The following GHR variants were observed in gnomAD, a reference collection of about 807,000 sequenced individuals.
GHR encodes growth hormone receptor.
In GHR, 35 loss-of-function variants were observed where a neutral mutation model predicts 67.1. The observed-to-expected ratio is 0.52, with a 90% CI of 0.40 to 0.69. The LOEUF is 0.69. Ranked by LOEUF, GHR falls within the 30% of genes least tolerant of loss-of-function variation. The probability of loss-of-function intolerance (pLI) is 0.00; values close to 1 mark genes in which losing one functional copy is unlikely to be tolerated. For missense variants in GHR, 792 were observed against 764.6 expected (o/e 1.04, Z -0.42); for synonymous variants, 272 against 269.1 (o/e 1.01, Z -0.10).
intron 1 of GHR, among the ~76,000 whole-genome samples, chr5:42,513,220 T>C (rs1014696574): frequency 2.0e-5 from 3 of 152,174 alleles, no homozygotes; most frequent in South Asian, 2.1e-4. Flanking sequence ...TTTGGTGAAA[T>C]TTCAATTGTG....
At chr5:42,534,505 CATAT>C (rs1561103105) in intron 1 of GHR, among the ~76,000 whole-genome samples, 19 of 141,340 alleles carry the variant, frequency 1.3e-4, no homozygotes, top group African/African-American at 5.2e-4. Flanking sequence ...TATATATGTA[CATAT>C]GTATATGTGT....
intron 2 of GHR, among the ~76,000 whole-genome samples, chr5:42,582,060 C>A (rs1751203158): frequency 1.3e-5 from 2 of 152,252 alleles, no homozygotes; most frequent in African/African-American, 2.4e-5. Flanking sequence ...GGCACATAGG[C>A]ACTCTCTGGA....
rs527559456 is a variant in GHR at position 42,708,860 on chromosome 5, C to T, written c.619-2347C>T. ...TTTTCGTGGCACCTCTGCTAAATCT[C>T]GTTAGGTAGACCAAAGGGGTCAGTT... is the stretch of plus-strand genomic sequence containing the variant. On this transcript the variant is annotated intron_variant, in intron 6 of 9. Transcript: ENST00000230882. Among the ~76,000 whole-genome samples the T allele has an allele frequency of 3.9e-5, 6 of 152,278 alleles. No homozygotes were observed. The South Asian group carries it at 1.0e-3, about 26-fold the overall frequency.
At chr5:42,557,434 A>G (rs1007412951) in intron 1 of GHR, among the ~76,000 whole-genome samples, 1 of 152,208 alleles carries the variant, frequency 6.6e-6, no homozygotes, top group East Asian at 1.9e-4. Context: ...ATAATAAAAC[A>G]TAAATAGTCT....
At chr5:42,580,054 C>T (rs2112552723) in intron 2 of GHR, among the ~76,000 whole-genome samples, 1 of 152,040 alleles carries the variant, frequency 6.6e-6, no homozygotes, top group East Asian at 1.9e-4. Flanking sequence ...CATATATAGG[C>T]AGAACTATAT....
At chr5:42,519,280 C>T (rs888704460) in intron 1 of GHR, among the ~76,000 whole-genome samples, 24 of 152,204 alleles carry the variant, frequency 1.6e-4, no homozygotes, top group African/African-American at 5.5e-4. Context: ...AGCTGTTTTT[C>T]CTGAATTATG....
chr5:42,548,220 T>C, intron 1 of GHR: 1 of 984,818 alleles, frequency 1.0e-6, no homozygotes, highest in Non-Finnish European at 1.2e-6. Flanking sequence ...ACCAGATATG[T>C]GTGTGTGTGC....
At chr5:42,527,391 G>A (rs1320055290) in intron 1 of GHR, among the ~76,000 whole-genome samples, 3 of 152,020 alleles carry the variant, frequency 2.0e-5, no homozygotes, top group Non-Finnish European at 2.9e-5. Flanking sequence ...ATGGAAAACA[G>A]GAAAAAGCAG....
In GHR at chr5:42,718,138, T is replaced by C; in HGVS notation, c.945+17T>C. 7.7e-7 allele frequency: 1 copy of C among 1,305,326 alleles called. No individual in the cohort carries two copies. 80.9% of individuals were successfully genotyped at this position (1,305,326 alleles called of 1,614,324 possible). On this transcript the variant is annotated intron_variant, in intron 9 of 9. Coordinates refer to ENST00000230882, the MANE Select transcript of GHR (RefSeq NM_000163.5). The stretch of plus-strand genomic sequence containing the variant: ...CTCCTCAAGGTAACTAATAATTTTA[T>C]CTAAATTGTAGCTAGTACTAATTAA...
intron 2 of GHR, among the ~76,000 whole-genome samples, chr5:42,605,090 CTTTTTTTTTTT>C (rs57499086): frequency 1.1e-5 from 1 of 90,070 alleles, no homozygotes; most frequent in Admixed American, 1.2e-4. Context: ...TGTGGTGCCT[CTTTTTTTTTTT>C]TTTTTTTTTT....
intron 3 of GHR, among the ~76,000 whole-genome samples, chr5:42,673,649 T>C (rs188800863): frequency 3.1e-4 from 47 of 152,310 alleles, no homozygotes; most frequent in African/African-American, 1.0e-3. Context: ...GAGGCCATTA[T>C]ACTAAGTGAG....
In GHR at chr5:42,694,132, A is replaced by G. The variant is rs377257698; in HGVS notation, c.267-785A>G. 3.3e-4 allele frequency among the ~76,000 whole-genome samples: 51 copies of G among 152,302 alleles called. No homozygotes were observed. In the East Asian group the frequency reaches 8.9e-3, roughly 27 times the overall value. On this transcript the variant is annotated intron_variant, in intron 4 of 9. Transcript: ENST00000230882. Reference sequence around the variant, plus strand: ...CCTTCCATGAAGAGCCAGAGCAATCATTCCCTCTTCTGAACTTTTAAGGAC... The same window carrying G: ...CCTTCCATGAAGAGCCAGAGCAATCGTTCCCTCTTCTGAACTTTTAAGGAC...
At chr5:42,691,478 G>T (rs1757419756) in intron 4 of GHR, among the ~76,000 whole-genome samples, 1 of 152,194 alleles carries the variant, frequency 6.6e-6, no homozygotes, top group Non-Finnish European at 1.5e-5. Context: ...TCACAGAGAA[G>T]ACAATACAAA....
intron 2 of GHR, among the ~76,000 whole-genome samples, chr5:42,585,968 G>T (rs983748811): frequency 2.6e-5 from 4 of 152,150 alleles, no homozygotes; most frequent in African/African-American, 9.7e-5. Flanking sequence ...CCTTCTCTGT[G>T]CCTCAGTTTC....
intron 2 of GHR, among the ~76,000 whole-genome samples, chr5:42,579,130 GATAGATA>G (rs1750974036): frequency 1.8e-5 from 1 of 55,766 alleles, no homozygotes; most frequent in African/African-American, 8.7e-5. Context: ...TAGATAGATA[GATAGATA>G]GATGATAGAT....
chr5:42,662,312 G>C (rs1334921695), intron 3 of GHR, among the ~76,000 whole-genome samples: 1 of 152,122 alleles, frequency 6.6e-6, no homozygotes, highest in East Asian at 1.9e-4. Flanking sequence ...ATTTTTTTCA[G>C]CACCACACCA....
At chr5:42,665,638 C>A (rs1755922963) in intron 3 of GHR, among the ~76,000 whole-genome samples, 2 of 151,802 alleles carry the variant, frequency 1.3e-5, no homozygotes, top group African/African-American at 4.8e-5. Context: ...GGAGATATAC[C>A]TAATGCTAAA....
intron 2 of GHR, among the ~76,000 whole-genome samples, chr5:42,591,248 T>C (rs1307014413): frequency 2.0e-5 from 3 of 152,146 alleles, no homozygotes; most frequent in Non-Finnish European, 4.4e-5. Flanking sequence ...TGCCCAGAAA[T>C]GGGGCAGACG....
At chr5:42,479,334 G>A (rs1251647853) in intron 1 of GHR, among the ~76,000 whole-genome samples, 2 of 152,162 alleles carry the variant, frequency 1.3e-5, no homozygotes, top group African/African-American at 2.4e-5. Flanking sequence ...AAGGATATTG[G>A]TCTAAAATTC....
Sources: gnomAD v4.1 joint callset for allele counts (sites outside exome capture counted in the v4.1 genomes callset) on GRCh38, gnomAD v4.1.1 for gene constraint, MANE v1.5 for transcripts, NCBI Gene and HGNC (gene_info 2026-07-23, HGNC 2026-07-21) for gene names.